ZNF836: variants seen among roughly 807,000 people sequenced by gnomAD.
ZNF836 encodes zinc finger protein 836.
In ZNF836, 12 loss-of-function variants were observed where a neutral mutation model predicts 7.4. That is an observed-to-expected ratio of 1.61 (90% CI 1.03 to 2.61). The LOEUF (loss-of-function observed/expected upper bound fraction) is 2.61, where lower values mean the gene tolerates loss of function less well. Among genes scored for constraint, ZNF836 ranks in the 30% most tolerant of loss-of-function variants. ZNF836 has a pLI of 0.00. For synonymous variants in ZNF836, 365 were observed against 382.6 expected (o/e 0.95, Z 0.54); for missense variants, 998 against 1,126.2 (o/e 0.89, Z 1.63).
chr19:52,156,529 G>A lies in ZNF836; in HGVS notation c.1154C>T (p.Pro385Leu). 1 of 1,614,066 alleles carries A rather than the reference G, an allele frequency of 6.2e-7. No homozygotes were observed. The highest frequency in any genetic ancestry group is 1.3e-5 in the African/African-American group (1 of 75,000). Reference protein sequence around the residue: ...NHQRIHTGEKPYKCNICGKSF... With the variant: ...NHQRIHTGEKLYKCNICGKSF... ...CTTTCCACATATGTTGCATTTGTAT[G>A]GTTTCTCTCCAGTGTGGATTCTCTG... Residue 385 changes from proline to leucine, a missense_variant, in exon 5 of 5, where the codon CCA becomes CTA. Coordinates refer to ENST00000682614, the MANE Select transcript of ZNF836 (RefSeq NM_001102657.3).
At chr19:52,162,196 G>A (rs773516422) in intron 3 of ZNF836, among the ~76,000 whole-genome samples, 16 of 152,106 alleles carry the variant, frequency 1.1e-4, no homozygotes, top group Non-Finnish European at 1.0e-4. Flanking sequence ...ATCACATACC[G>A]GTGACTCTAC....
rs188491671 is a variant in ZNF836, at chr19:52,164,045, A to G, written c.16-3454T>C. Among the ~76,000 whole-genome samples, 222 of 144,464 alleles carry G rather than the reference A, an allele frequency of 1.5e-3. 2 individuals carry two copies. The highest frequency in any genetic ancestry group is 4.6e-3 in the African/African-American group (182 of 39,622). 94.8% of individuals were successfully genotyped at this position (144,464 alleles called of 152,430 possible). ...GGAAAAGAAAAAGAAGGAAGGAAGG[A>G]AGGGAGGGAGGGAGGGAAGAACAAG... On this transcript the variant is annotated intron_variant, in intron 3 of 4. Transcript: ENST00000682614.
At chr19:52,164,088 G>A (rs951605131) in intron 3 of ZNF836, among the ~76,000 whole-genome samples, 2 of 151,002 alleles carry the variant, frequency 1.3e-5, no homozygotes, top group African/African-American at 4.9e-5. Flanking sequence ...GAAAGAAAAA[G>A]TGAGAAAGAA....
chr19:52,166,494 G>A (rs2089264946), intron 3 of ZNF836, among the ~76,000 whole-genome samples: 1 of 150,678 alleles, frequency 6.6e-6, no homozygotes, highest in African/African-American at 2.4e-5. Flanking sequence ...TTTTTGACAG[G>A]AACAGCTAAA....
intron 2 of ZNF836, 115 bp from the exon 3 acceptor site, chr19:52,168,267 G>A (rs148217850): frequency 4.6e-5 from 28 of 609,724 alleles, no homozygotes; most frequent in East Asian, 2.2e-4. Flanking sequence ...CTGCACCAGG[G>A]GGATGCAAGG....
chr19:52,156,311 C>G lies in ZNF836; in HGVS notation c.1372G>C (p.Ala458Pro). Residue 458 changes from alanine (A) to proline (P), a missense_variant, in exon 5 of 5, where the codon GCA becomes CCA. Coordinates refer to ENST00000682614, the MANE Select transcript of ZNF836 (RefSeq NM_001102657.3). ...CCAGTATGACTTCTCTGGTGCCTTG[C>G]AAGTTGTGAACGTTGACTGAAGACC... ...DKVFSQRSQLARHQRSHTGEK... is the reference protein window; with the variant it reads ...DKVFSQRSQLPRHQRSHTGEK... The G allele has an allele frequency of 1.2e-6, 2 of 1,614,074 alleles. No homozygotes were observed. The highest frequency in any genetic ancestry group is 1.7e-6 in the Non-Finnish European group (2 of 1,180,026).
chr19:52,156,833 T>G lies in ZNF836; in HGVS notation c.850A>C (p.Arg284=). The G allele has an allele frequency of 1.9e-6, 3 of 1,614,212 alleles. No individual in the cohort carries two copies. Among genetic ancestry groups the G allele is most frequent in the Non-Finnish European group, 2.5e-6 (3 of 1,180,026 alleles). The change falls in exon 5 of 5, where the codon AGA becomes CGA. Residue 284 remains arginine (R), a synonymous_variant. Transcript: ENST00000682614. ...YQCGVCGKIF[R]QNSDLVNHRR... ...TGATTTACAAGATCTGAATTTTGTCTGAAGATCTTGCCACATACACCACAT... is the reference window on the plus strand; with the variant it reads ...TGATTTACAAGATCTGAATTTTGTCGGAAGATCTTGCCACATACACCACAT...
At position 52,168,061 on chromosome 19, in the gene ZNF836, T is replaced by C; in HGVS notation, c.12A>G (p.Thr4=). 1 of 1,607,628 alleles carries C rather than the reference T, an allele frequency of 6.2e-7. No individual in the cohort carries two copies. Among genetic ancestry groups the C allele is most frequent in the Admixed American group, 1.7e-5 (1 of 59,888 alleles). ...TCCACTAAGAATATCATTTTACCTG[T>C]GTAAGAGCCATCCCTGACTCCTTTT... MAL[T]QGPLTFRDVA... The change falls in exon 3 of 5, where the codon ACA becomes ACG. Residue 4 remains threonine, a synonymous_variant. Transcript: ENST00000682614.
In ZNF836 at chr19:52,154,993, T is replaced by G. The variant is rs1379634204; in HGVS notation, c.2690A>C (p.Lys897Thr). Residue 897 changes from lysine to threonine, a missense_variant, in exon 5 of 5, where the codon AAA (lysine) becomes ACA (threonine). By Grantham distance (78) the Lys-to-Thr change is moderately conservative. Transcript: ENST00000682614. The part of the protein sequence containing the change: ...EKPYKCNECG[K>T]SFISRSGLTK... ...GAGGCCTGAGCGACTAATGAAAGATTTGCCACACTCATTACATTTATAAGG... is the reference window on the plus strand; with the variant it reads ...GAGGCCTGAGCGACTAATGAAAGATGTGCCACACTCATTACATTTATAAGG... 5.6e-6 allele frequency: 9 copies of G among 1,612,690 alleles called. No individual in the cohort carries two copies. Among genetic ancestry groups the G allele is most frequent in the African/African-American group, 1.3e-5 (1 of 75,020 alleles).
Position 52,155,870 on chromosome 19 carries a change from T to C in ZNF836, c.1813A>G (p.Thr605Ala). Residue 605 changes from threonine (T) to alanine (A), a missense_variant, in exon 5 of 5, where the codon ACT becomes GCT. Physicochemically the swap from Thr to Ala is moderately conservative, Grantham distance 58. Transcript: ENST00000682614. ...TTACATTTGTAAGGTTTCTGCCCAG[T>C]ATGAATTCTTAGATGACGTGCTAGG... Reference protein sequence around the residue: ...SCLARHLRIHTGQKPYKCNVC... With the variant: ...SCLARHLRIHAGQKPYKCNVC... 1 of 1,614,038 alleles carries C rather than the reference T, an allele frequency of 6.2e-7. No homozygotes were observed. The highest frequency in any genetic ancestry group is 1.1e-5 in the South Asian group (1 of 91,084).
rs566093109 is a variant in ZNF836 at position 52,157,674 on chromosome 19, T to C, written c.143-134A>G. On this transcript the variant is annotated intron_variant, in intron 4 of 4. Transcript: ENST00000682614. ...TGACCTCCACCTCCTGGGTTCGAGCTATTCTTCTGCCTCAGCCTCCTGAGT... is the reference window on the plus strand; with the variant it reads ...TGACCTCCACCTCCTGGGTTCGAGCCATTCTTCTGCCTCAGCCTCCTGAGT... 1.3e-5 allele frequency: 10 copies of C among 786,160 alleles called. No individual in the cohort carries two copies. In the South Asian group the frequency reaches 2.9e-4, roughly 23 times the overall value. The allele number at this position is 786,160 out of a possible 1,614,324, so 48.7% of individuals were successfully genotyped here.
At chr19:52,164,262 G>A (rs1188218030) in intron 3 of ZNF836, among the ~76,000 whole-genome samples, 2 of 151,820 alleles carry the variant, frequency 1.3e-5, no homozygotes, top group African/African-American at 4.8e-5. Flanking sequence ...GCTTGGTGGT[G>A]CGTGCTTGTA....
chr19:52,169,938 CA>C (rs1459744902), intron 1 of ZNF836, among the ~76,000 whole-genome samples, 157 bp from the exon 2 acceptor site: 1 of 152,090 alleles, frequency 6.6e-6, no homozygotes. Context: ...TCTGGCTAAA[CA>C]GAAATTCCAA....
At position 52,156,769 on chromosome 19, in the gene ZNF836, T is replaced by C; in HGVS notation, c.914A>G (p.Asn305Ser). 6.2e-7 allele frequency: 1 copy of C among 1,607,828 alleles called. No individual in the cohort carries two copies. Among genetic ancestry groups the C allele is most frequent in the Non-Finnish European group, 8.5e-7 (1 of 1,175,538 alleles). Reference protein sequence around the residue: ...SHTGEKPYKCNECGKSFSQSY... With the variant: ...SHTGEKPYKCSECGKSFSQSY... The stretch of plus-strand genomic sequence containing the variant: ...TTGACTAAAGGACTTGCCACATTCA[T>C]TACATTTGTACGGTTTCTCTCCAGT... Residue 305 changes from asparagine to serine, a missense_variant, in exon 5 of 5, where the codon AAT becomes AGT. Asn to Ser is a conservative substitution (Grantham distance 46). Coordinates refer to ENST00000682614, the MANE Select transcript of ZNF836 (RefSeq NM_001102657.3).
In ZNF836 at chr19:52,168,277, G is replaced by C. The variant is rs1317163375; in HGVS notation, c.-80-125C>G. 6 of 582,540 alleles carry C rather than the reference G, an allele frequency of 1.0e-5. No individual in the cohort carries two copies. The East Asian group carries it at 1.4e-4, about 14-fold the overall frequency. 36.1% of individuals were successfully genotyped at this position (582,540 alleles called of 1,614,324 possible). ...GCCCACTGCACCAGGGGGATGCAAG[G>C]ATAATAAATTCCTAAACAAAGACCA... On this transcript the variant is annotated intron_variant, in intron 2 of 4. Coordinates refer to ENST00000682614, the MANE Select transcript of ZNF836 (RefSeq NM_001102657.3).
intron 3 of ZNF836, among the ~76,000 whole-genome samples, chr19:52,163,826 G>A (rs12984420): frequency 0.17 from 25,357 of 151,968 alleles, 2,897 homozygotes; most frequent in East Asian, 0.32. Flanking sequence ...CTTCAATAGC[G>A]CAGACAGGTA....
rs909906549 is a variant in ZNF836, at chr19:52,167,237, C to T, written c.15+821G>A. 6.6e-5 allele frequency among the ~76,000 whole-genome samples: 10 copies of T among 151,310 alleles called. No homozygotes were observed. In the South Asian group the frequency reaches 1.9e-3, roughly 29 times the overall value. ...CTGTAATCCCTGCATTTTGGGAGGC[C>T]GAGGCGGGAGGATCACCTGAGGTTG... On this transcript the variant is annotated intron_variant, in intron 3 of 4. Transcript: ENST00000682614.
At chr19:52,163,595 A>C (rs1000494228) in intron 3 of ZNF836, among the ~76,000 whole-genome samples, 1 of 152,126 alleles carries the variant, frequency 6.6e-6, no homozygotes, top group East Asian at 1.9e-4. Context: ...CAACATGGTG[A>C]AACCCCGTCT....
intron 3 of ZNF836, 113 bp from the exon 4 acceptor site, chr19:52,160,704 A>G (rs1337644940): frequency 7.6e-7 from 1 of 1,319,584 alleles, no homozygotes; most frequent in Non-Finnish European, 1.0e-6. Context: ...TCACATATCC[A>G]TGCAAGGCAT....
Sources: gnomAD v4.1 joint callset for allele counts (sites outside exome capture counted in the v4.1 genomes callset) on GRCh38, gnomAD v4.1.1 for gene constraint, MANE v1.5 for transcripts, NCBI Gene and HGNC (gene_info 2026-07-23, HGNC 2026-07-21) for gene names.